The following TM6SF1 variants were observed in gnomAD, a reference collection of about 807,000 sequenced individuals.
The protein encoded by TM6SF1 is transmembrane 6 superfamily member 1.
Under a neutral mutation model 47.1 loss-of-function variants are expected in TM6SF1, and 43 were observed. The observed-to-expected ratio is 0.91, with a 90% CI of 0.72 to 1.18. TM6SF1 has a LOEUF of 1.18. Among genes scored for constraint, TM6SF1 ranks in the 50% most tolerant of loss-of-function variants. The pLI, the probability that TM6SF1 is intolerant of heterozygous loss-of-function variation, is 0.00. For missense variants in TM6SF1, 390 were observed against 449.0 expected (o/e 0.87, Z 1.19); for synonymous variants, 177 against 166.3 (o/e 1.06, Z -0.49).
chr15:83,112,593 C>T, intron 1 of TM6SF1: 1 of 600,020 alleles, frequency 1.7e-6, no homozygotes, highest in Middle Eastern at 4.5e-4. Context: ...GCTTCGGTCC[C>T]TGAAAGTCAT....
chr15:83,110,734 T>C (rs1253615509), intron 1 of TM6SF1, among the ~76,000 whole-genome samples: 1 of 152,184 alleles, frequency 6.6e-6, no homozygotes, highest in Non-Finnish European at 1.5e-5. Context: ...CCACACTGGC[T>C]TCCTCCTTCT....
In TM6SF1 at chr15:83,119,234, G is replaced by C. The variant is rs550965327; in HGVS notation, c.295-344G>C. ...TGGCCACCTCTCTGGTCACTGCCAA[G>C]CACCTTGTGTCAAAGATTTGGCTTG... is the stretch of plus-strand genomic sequence containing the variant. On this transcript the variant is annotated intron_variant, in intron 3 of 9. Transcript: ENST00000322019. 2.7e-4 allele frequency among the ~76,000 whole-genome samples: 41 copies of C among 152,326 alleles called. 1 individual carries two copies. Among genetic ancestry groups the C allele is most frequent in the Admixed American group, 2.5e-3 (38 of 15,302 alleles).
At position 83,111,581 on chromosome 15, in the gene TM6SF1, G is replaced by A. The variant is rs1162446912; in HGVS notation, c.93-1216G>A. ...CTTATCTTTCTCTCTCCTAGGGGAC[G>A]GTGATAGTTATCCAAAGGTCCCGAT... On this transcript the variant is annotated intron_variant, in intron 1 of 9. Coordinates refer to ENST00000322019, the MANE Select transcript of TM6SF1 (RefSeq NM_023003.5). 3.2e-5 allele frequency: 31 copies of A among 981,190 alleles called. No homozygotes were observed. In the Middle Eastern group the frequency reaches 1.6e-3, roughly 49 times the overall value. The allele number at this position is 981,190 out of a possible 1,614,324, so 60.8% of individuals were successfully genotyped here.
chr15:83,135,217 A>T (rs1414146423), intron 9 of TM6SF1: 1 of 152,260 alleles, frequency 6.6e-6, no homozygotes, highest in Non-Finnish European at 1.5e-5. Context: ...AAAAATTCAT[A>T]AAGATGCTGC....
chr15:83,115,672 G>A (rs1567136006), intron 2 of TM6SF1, 173 bp from the exon 3 acceptor site: 1 of 698,162 alleles, frequency 1.4e-6, no homozygotes, highest in Admixed American at 2.0e-5. Flanking sequence ...GCGAACACAG[G>A]TGGAGGTCCA....
chr15:83,120,781 G>C (rs2035158745), intron 4 of TM6SF1, among the ~76,000 whole-genome samples: 1 of 151,918 alleles, frequency 6.6e-6, no homozygotes. Context: ...GGCCAGGCTG[G>C]TCTCAAACTC....
At chr15:83,115,201 T>TTG in intron 2 of TM6SF1, 1 of 165,718 alleles carries the variant, frequency 6.0e-6, no homozygotes, top group Non-Finnish European at 1.3e-5. Flanking sequence ...CACTGCAACC[T>TTG]CCGCCTCCTG....
chr15:83,124,642 C>T (rs750824896), intron 6 of TM6SF1, 30 bp from the exon 7 acceptor site: 3 of 1,570,452 alleles, frequency 1.9e-6, no homozygotes, highest in South Asian at 2.2e-5. Context: ...GCACTTTGGG[C>T]CTGCTCTTTA....
chr15:83,134,019 CTTGT>C (rs1257331458), intron 9 of TM6SF1: 8 of 152,092 alleles, frequency 5.3e-5, no homozygotes, highest in African/African-American at 1.4e-4. Flanking sequence ...ATTTTTGTGC[CTTGT>C]TTAATAATTC....
chr15:83,131,273 A>G (rs1380619813), intron 9 of TM6SF1: 1 of 152,124 alleles, frequency 6.6e-6, no homozygotes, highest in Admixed American at 6.5e-5. Flanking sequence ...AATCTATGCA[A>G]CTTAGTAAGG....
At chr15:83,130,630 T>G (rs999088058) in intron 9 of TM6SF1, 1 of 152,250 alleles carries the variant, frequency 6.6e-6, no homozygotes, top group East Asian at 1.9e-4. Context: ...AGCTTTAATA[T>G]CTACCCACTT....
intron 9 of TM6SF1, chr15:83,128,788 A>G (rs952193277): frequency 3.9e-5 from 6 of 152,106 alleles, no homozygotes; most frequent in African/African-American, 1.4e-4. Flanking sequence ...TGGAGTAATT[A>G]TTTACACTCC....
chr15:83,135,237 C>T (rs1451752831), intron 9 of TM6SF1: 4 of 152,230 alleles, frequency 2.6e-5, no homozygotes, highest in African/African-American at 4.8e-5. Flanking sequence ...CTTAAAAAAA[C>T]TTGTCCTTTT....
At chr15:83,134,053 A>G (rs895387193) in intron 9 of TM6SF1, 5 of 152,124 alleles carry the variant, frequency 3.3e-5, no homozygotes, top group Non-Finnish European at 5.9e-5. Flanking sequence ...AGGCCTACTA[A>G]AATACATACA....
At chr15:83,122,252 G>A (rs569199664) in intron 5 of TM6SF1, among the ~76,000 whole-genome samples, 2 of 152,208 alleles carry the variant, frequency 1.3e-5, no homozygotes, top group East Asian at 3.9e-4. Context: ...TTTTTTAGAA[G>A]GATCTTGAGG....
At chr15:83,114,389 G>A (rs1339238596) in intron 2 of TM6SF1, 1 of 152,240 alleles carries the variant, frequency 6.6e-6, no homozygotes, top group Non-Finnish European at 1.5e-5. Context: ...CACTTGTGTT[G>A]TCATCAGCAA....
intron 1 of TM6SF1, chr15:83,111,818 T>C (rs987073183): frequency 1.2e-5 from 4 of 322,914 alleles, no homozygotes; most frequent in Admixed American, 6.5e-5. Context: ...CAGAGTCCAT[T>C]GAGATAGGTT....
At chr15:83,123,492 C>A (rs1212306227) in intron 6 of TM6SF1, among the ~76,000 whole-genome samples, 3 of 152,304 alleles carry the variant, frequency 2.0e-5, no homozygotes, top group Middle Eastern at 3.4e-3. Flanking sequence ...GGTATTAGAT[C>A]ATTTAGCAAG....
chr15:83,136,494 A>T lies in TM6SF1; in HGVS notation c.935A>T (p.His312Leu). ...TAAATGCAACAGGCTCAGTTTTCTCACATTGGTGCATCTCTTCATGCTAGA... is the reference window on the plus strand; with the variant it reads ...TAAATGCAACAGGCTCAGTTTTCTCTCATTGGTGCATCTCTTCATGCTAGA... Reference protein sequence around the residue: ...AGGLAQAQFSHIGASLHARTA... With the variant: ...AGGLAQAQFSLIGASLHARTA... Residue 312 changes from histidine to leucine, a missense_variant, in exon 10 of 10, where the codon CAC becomes CTC. Physicochemically the swap from His to Leu is moderately conservative, Grantham distance 99. Coordinates refer to ENST00000322019, the MANE Select transcript of TM6SF1 (RefSeq NM_023003.5). 6.3e-7 allele frequency: 1 copy of T among 1,578,930 alleles called. No individual in the cohort carries two copies. The highest frequency in any genetic ancestry group is 2.2e-5 in the East Asian group (1 of 44,666).
Sources: gnomAD v4.1 joint callset for allele counts (sites outside exome capture counted in the v4.1 genomes callset) on GRCh38, gnomAD v4.1.1 for gene constraint, MANE v1.5 for transcripts, NCBI Gene and HGNC (gene_info 2026-07-23, HGNC 2026-07-21) for gene names.